Variants in ROBO2 observed in about 807,000 individuals in gnomAD.
ROBO2 encodes the protein roundabout homolog 2.
In ROBO2, 53 loss-of-function variants were observed where a neutral mutation model predicts 160.8. That is an observed-to-expected ratio of 0.33 (90% CI 0.26 to 0.41). The LOEUF (loss-of-function observed/expected upper bound fraction) is 0.41, where lower values mean the gene tolerates loss of function less well. ROBO2 is among the 10% of genes least tolerant of loss of function. The probability of loss-of-function intolerance (pLI) is 1.00; values close to 1 mark genes in which losing one functional copy is unlikely to be tolerated. For synonymous variants in ROBO2, 664 were observed against 611.7 expected (o/e 1.09, Z -1.26); for missense variants, 1,577 against 1,722.4 (o/e 0.92, Z 1.49).
intron 2 of ROBO2, among the ~76,000 whole-genome samples, chr3:76,277,336 T>A (rs62261394): frequency 2.0e-5 from 3 of 151,790 alleles, no homozygotes; most frequent in Non-Finnish European, 4.4e-5. Flanking sequence ...AGACTCTACC[T>A]ACAATGCTGT....
At chr3:77,356,938 C>T (rs2069217593) in intron 2 of ROBO2, among the ~76,000 whole-genome samples, 1 of 151,908 alleles carries the variant, frequency 6.6e-6, no homozygotes, top group African/African-American at 2.4e-5. Context: ...CTAAAGAAGA[C>T]ATTATGGAGT....
chr3:77,291,750 G>T (rs1272718023), intron 2 of ROBO2, among the ~76,000 whole-genome samples: 1 of 151,370 alleles, frequency 6.6e-6, no homozygotes, highest in Admixed American at 6.6e-5. Flanking sequence ...GCTGAGGCTA[G>T]ATCACCCAGA....
intron 2 of ROBO2, among the ~76,000 whole-genome samples, chr3:76,493,405 C>T (rs2079961257): frequency 7.4e-6 from 1 of 134,448 alleles, no homozygotes; most frequent in African/African-American, 2.8e-5. Context: ...ATGTACACAA[C>T]AGTAAGAAAA....
intron 2 of ROBO2, among the ~76,000 whole-genome samples, chr3:77,014,301 C>G (rs759154796): frequency 3.4e-4 from 52 of 152,108 alleles, no homozygotes; most frequent in Non-Finnish European, 6.9e-4. Context: ...ATTTGACATT[C>G]CTCTCTCACA....
chr3:76,554,724 A>C (rs1490232695), intron 2 of ROBO2, among the ~76,000 whole-genome samples: 1 of 152,156 alleles, frequency 6.6e-6, no homozygotes, highest in Non-Finnish European at 1.5e-5. Flanking sequence ...AGAGGCTTTC[A>C]GTATTTAATT....
chr3:77,389,489 A>C lies in ROBO2; in HGVS notation c.389-87925A>C, dbSNP rs555664504. Among the ~76,000 whole-genome samples the C allele has an allele frequency of 3.3e-5, 5 of 152,288 alleles. No homozygotes were observed. In the South Asian group the frequency reaches 1.0e-3, roughly 32 times the overall value. ...AGTGTTCTATTGGACAGTGCCACAC[A>C]ACATACTTTGGTATTTAACCAGGAA... On this transcript the variant is annotated intron_variant, in intron 2 of 25. Transcript: ENST00000461745.
At chr3:76,885,653 C>A (rs1192325023) in intron 2 of ROBO2, among the ~76,000 whole-genome samples, 1 of 152,076 alleles carries the variant, frequency 6.6e-6, no homozygotes, top group African/African-American at 2.4e-5. Flanking sequence ...GCAAACCACC[C>A]TTGAGTGCTA....
intron 2 of ROBO2, among the ~76,000 whole-genome samples, chr3:76,313,939 G>A (rs1419608441): frequency 1.3e-5 from 2 of 152,110 alleles, no homozygotes; most frequent in East Asian, 1.9e-4. Flanking sequence ...CAGTGTATAC[G>A]TGTGGCCTGT....
chr3:76,993,669 A>C (rs559162671), intron 2 of ROBO2, among the ~76,000 whole-genome samples: 4 of 152,254 alleles, frequency 2.6e-5, no homozygotes, highest in African/African-American at 9.6e-5. Context: ...AGAAAAGGAA[A>C]GTTACATACC....
chr3:77,243,402 T>A (rs1560325314), intron 2 of ROBO2, among the ~76,000 whole-genome samples: 1 of 152,196 alleles, frequency 6.6e-6, no homozygotes, highest in African/African-American at 2.4e-5. Flanking sequence ...GTGAGAAGTC[T>A]TAGGAGCAAC....
intron 2 of ROBO2, among the ~76,000 whole-genome samples, chr3:76,822,611 T>C (rs1049248491): frequency 1.3e-5 from 2 of 151,798 alleles, no homozygotes; most frequent in Non-Finnish European, 2.9e-5. Flanking sequence ...AGAAAATAAT[T>C]GAAAAAAATT....
intron 2 of ROBO2, among the ~76,000 whole-genome samples, chr3:76,476,606 A>G (rs2078943736): frequency 1.3e-5 from 2 of 152,208 alleles, no homozygotes; most frequent in Admixed American, 1.3e-4. Context: ...GCGCTGTACC[A>G]CTGTTCAATC....
chr3:77,132,722 T>A (rs1234966290), intron 2 of ROBO2, among the ~76,000 whole-genome samples: 1 of 151,262 alleles, frequency 6.6e-6, no homozygotes. Flanking sequence ...AGTACAAGAG[T>A]CTTTATTCTC....
chr3:76,735,260 A>T (rs535935880), intron 2 of ROBO2, among the ~76,000 whole-genome samples: 4 of 152,236 alleles, frequency 2.6e-5, no homozygotes, highest in African/African-American at 7.2e-5. Context: ...CAAGCCAAAC[A>T]AAAGAATGAA....
At chr3:77,462,763 AT>A (rs34652405) in intron 2 of ROBO2, among the ~76,000 whole-genome samples, 101,576 of 151,222 alleles carry the variant, frequency 0.67, 34,537 homozygotes, top group East Asian at 0.8. Flanking sequence ...ACTTTCCAGT[AT>A]TTTTTTTTTC....
chr3:76,909,737 T>C (rs527669716), intron 2 of ROBO2, among the ~76,000 whole-genome samples: 3 of 152,324 alleles, frequency 2.0e-5, no homozygotes, highest in Admixed American at 6.5e-5. Context: ...TAATTCTAGA[T>C]TGTTAAAATC....
At chr3:76,095,018 C>G (rs2069381364) in intron 2 of ROBO2, among the ~76,000 whole-genome samples, 1 of 152,052 alleles carries the variant, frequency 6.6e-6, no homozygotes, top group South Asian at 2.1e-4. Context: ...GCATTAATGT[C>G]AGCATCAAAA....
intron 2 of ROBO2, among the ~76,000 whole-genome samples, chr3:76,165,657 A>T (rs1029380070): frequency 6.6e-6 from 1 of 152,164 alleles, no homozygotes; most frequent in East Asian, 1.9e-4. Flanking sequence ...TACTGAGCTT[A>T]ATCATTTTTA....
intron 2 of ROBO2, among the ~76,000 whole-genome samples, chr3:76,675,635 G>C (rs2092388869): frequency 6.6e-6 from 1 of 152,150 alleles, no homozygotes; most frequent in African/African-American, 2.4e-5. Context: ...TAATTTTATA[G>C]TGTGTCCTAC....
Sources: gnomAD v4.1 joint callset for allele counts (sites outside exome capture counted in the v4.1 genomes callset) on GRCh38, gnomAD v4.1.1 for gene constraint, MANE v1.5 for transcripts, NCBI Gene and HGNC (gene_info 2026-07-23, HGNC 2026-07-21) for gene names.